Variants in CGNL1 observed in about 807,000 individuals in gnomAD.
CGNL1 encodes cingulin like 1, also known as cingulin-like protein 1.
Under a neutral mutation model 141.2 loss-of-function variants are expected in CGNL1, and 132 were observed. The ratio of observed to expected loss-of-function variants is 0.93; its 90% CI spans 0.81 to 1.08. The LOEUF is 1.08. Ranked by LOEUF, CGNL1 falls within the 50% of genes least tolerant of loss-of-function variation. CGNL1 has a pLI of 0.00. For missense variants in CGNL1, 1,870 were observed against 1,588.6 expected (o/e 1.18, Z -3.01); for synonymous variants, 690 against 622.1 (o/e 1.11, Z -1.63).
chr15:57,490,765 G>A (rs560910129), intron 8 of CGNL1, among the ~76,000 whole-genome samples: 2 of 152,256 alleles, frequency 1.3e-5, no homozygotes, highest in Non-Finnish European at 2.9e-5. Flanking sequence ...TTTTCTGGTG[G>A]ACTGGGGAGT....
chr15:57,379,734 A>G (rs1333358175), intron 1 of CGNL1, among the ~76,000 whole-genome samples: 1 of 152,172 alleles, frequency 6.6e-6, no homozygotes, highest in East Asian at 1.9e-4. Context: ...TTTTCTCTGA[A>G]TGACCAAGTG....
At chr15:57,376,809 C>T (rs1334601408) in intron 1 of CGNL1, 1 of 150,080 alleles carries the variant, frequency 6.7e-6, no homozygotes, top group Non-Finnish European at 1.5e-5. Context: ...CGGGCGATCC[C>T]TGGGGAACCC....
chr15:57,428,116 C>T (rs1460363392), intron 1 of CGNL1, among the ~76,000 whole-genome samples: 2 of 152,096 alleles, frequency 1.3e-5, no homozygotes, highest in African/African-American at 2.4e-5. Context: ...AAGGCCTGGC[C>T]GAGGAGTGAC....
chr15:57,390,540 C>A (rs778897111), intron 1 of CGNL1, among the ~76,000 whole-genome samples: 9 of 152,132 alleles, frequency 5.9e-5, no homozygotes, highest in East Asian at 1.9e-4. Flanking sequence ...TATGGAGGAG[C>A]AAAGCACTGA....
intron 14 of CGNL1, among the ~76,000 whole-genome samples, chr15:57,541,568 C>A (rs1464121671): frequency 6.6e-6 from 1 of 152,218 alleles, no homozygotes; most frequent in Non-Finnish European, 1.5e-5. Flanking sequence ...GCCCTGCCTG[C>A]TGGTCCTGGC....
chr15:57,453,886 G>C, intron 7 of CGNL1, 68 bp downstream of exon 7: 3 of 1,583,280 alleles, frequency 1.9e-6, no homozygotes, highest in Non-Finnish European at 2.6e-6. Context: ...AGTGGCTAGG[G>C]TTTGTGGACT....
In CGNL1 at chr15:57,438,256, TA is replaced by T. The variant is rs1595703667; in HGVS notation, c.258del (p.His87IlefsTer28). ...CCTCCAGTGATAAATAACCTGCCTC[TA>T]CATTCCAGCAATGGTTCTGTGCCAA... is the stretch of plus-strand genomic sequence containing the variant. ...FPPPVINNLP[L>X]HSSNGSVPKE... On this transcript the variant is annotated frameshift_variant, in exon 2 of 19. Transcript: ENST00000281282. LOFTEE classifies it high-confidence loss of function. The T allele has an allele frequency of 3.1e-6, 5 of 1,614,188 alleles. No individual in the cohort carries two copies. The East Asian group carries it at 1.1e-4, about 36-fold the overall frequency.
intron 7 of CGNL1, among the ~76,000 whole-genome samples, chr15:57,460,203 A>T (rs1180322817): frequency 6.6e-6 from 1 of 152,148 alleles, no homozygotes; most frequent in Non-Finnish European, 1.5e-5. Flanking sequence ...ACAGGAAGGG[A>T]GGATGAAAGA....
At chr15:57,456,596 T>A (rs953231881) in intron 7 of CGNL1, among the ~76,000 whole-genome samples, 7 of 152,118 alleles carry the variant, frequency 4.6e-5, no homozygotes, top group Non-Finnish European at 8.8e-5. Flanking sequence ...AGGGTTGACT[T>A]TGTTATTCTT....
At chr15:57,497,366 G>C (rs2063955246) in intron 8 of CGNL1, among the ~76,000 whole-genome samples, 1 of 147,590 alleles carries the variant, frequency 6.8e-6, no homozygotes, top group African/African-American at 2.5e-5. Context: ...CTGGGGGCAG[G>C]TAGGGGGAGC....
chr15:57,415,626 C>T (rs1021290084), intron 1 of CGNL1, among the ~76,000 whole-genome samples: 13 of 152,176 alleles, frequency 8.5e-5, no homozygotes, highest in African/African-American at 2.9e-4. Context: ...CACCCTCTTG[C>T]AGTAATGAGC....
chr15:57,536,696 A>G (rs1055333709), intron 14 of CGNL1, among the ~76,000 whole-genome samples: 1 of 152,108 alleles, frequency 6.6e-6, no homozygotes, highest in Non-Finnish European at 1.5e-5. Context: ...ATTTATGACA[A>G]TTGCCATCCT....
At chr15:57,543,670 C>T in intron 14 of CGNL1, 26 bp from the exon 15 acceptor site, 4 of 1,586,994 alleles carry the variant, frequency 2.5e-6, no homozygotes, top group Non-Finnish European at 2.6e-6. Context: ...CTTCTAACCT[C>T]TGGGCTTTTG....
At chr15:57,539,274 C>T (rs1440741992) in intron 14 of CGNL1, among the ~76,000 whole-genome samples, 1 of 152,126 alleles carries the variant, frequency 6.6e-6, no homozygotes. Flanking sequence ...CTTGCCTCTA[C>T]CTTCCCTTTG....
At chr15:57,389,788 T>C (rs1389632210) in intron 1 of CGNL1, among the ~76,000 whole-genome samples, 2 of 152,230 alleles carry the variant, frequency 1.3e-5, no homozygotes, top group African/African-American at 4.8e-5. Context: ...TATTGCCGTG[T>C]AACAAGCAAT....
intron 8 of CGNL1, among the ~76,000 whole-genome samples, chr15:57,504,416 G>C (rs544056878): frequency 6.6e-6 from 1 of 152,330 alleles, no homozygotes; most frequent in East Asian, 1.9e-4. Context: ...TTGTCCTTGG[G>C]AATGAAGCTT....
chr15:57,442,545 C>A, intron 4 of CGNL1, 67 bp downstream of exon 4: 1 of 974,846 alleles, frequency 1.0e-6, no homozygotes. Context: ...CTTGCTGTTT[C>A]TTCAGTCTGT....
chr15:57,390,491 G>A (rs780586370), intron 1 of CGNL1, among the ~76,000 whole-genome samples: 12 of 152,220 alleles, frequency 7.9e-5, no homozygotes, highest in Non-Finnish European at 1.3e-4. Context: ...GTTCTAGTAG[G>A]AGGTAACTCG....
At chr15:57,402,272 C>T (rs1314500303) in intron 1 of CGNL1, among the ~76,000 whole-genome samples, 1 of 152,214 alleles carries the variant, frequency 6.6e-6, no homozygotes, top group African/African-American at 2.4e-5. Context: ...TCTGTTGCTC[C>T]TGCTCTTGCC....
Sources: gnomAD v4.1 joint callset for allele counts (sites outside exome capture counted in the v4.1 genomes callset) on GRCh38, gnomAD v4.1.1 for gene constraint, MANE v1.5 for transcripts, NCBI Gene and HGNC (gene_info 2026-07-23, HGNC 2026-07-21) for gene names.